TENM3: variants seen among roughly 807,000 people sequenced by gnomAD.
TENM3 encodes teneurin-3.
Under a neutral mutation model 255.1 loss-of-function variants are expected in TENM3, and 63 were observed. That is an observed-to-expected ratio of 0.25 (90% CI 0.20 to 0.30). The LOEUF (loss-of-function observed/expected upper bound fraction) is 0.30. Ranked by LOEUF, TENM3 falls within the 10% of genes least tolerant of loss-of-function variation. TENM3 has a pLI of 1.00. For missense variants in TENM3, 2,929 were observed against 3,461.1 expected, an observed-to-expected ratio of 0.85 and a Z score of 3.86; for synonymous variants, 1,306 against 1,322.3, an observed-to-expected ratio of 0.99 and a Z score of 0.27.
At chr4:181,665,619 GTA>G in the TENM3 span, among the ~76,000 whole-genome samples, 9 of 147,502 alleles carry the variant, frequency 6.1e-5, no homozygotes, top group African/African-American at 2.2e-4. Context: ...TATACAATGT[GTA>G]TATATACACA....
chr4:182,355,006 G>C (rs144925916), intron 3 of TENM3, among the ~76,000 whole-genome samples: 71 of 152,290 alleles, frequency 4.7e-4, no homozygotes, highest in African/African-American at 1.4e-3. Context: ...AAGCTCACAG[G>C]GTGGTTGGGC....
the TENM3 span, among the ~76,000 whole-genome samples, chr4:181,868,213 C>T: frequency 3.4e-4 from 52 of 152,220 alleles, no homozygotes; most frequent in South Asian, 4.2e-3. Flanking sequence ...ATTCTCCACA[C>T]GCCAACAGGT....
At chr4:181,524,833 G>C in the TENM3 span, among the ~76,000 whole-genome samples, 4 of 152,186 alleles carry the variant, frequency 2.6e-5, no homozygotes, top group South Asian at 8.3e-4. Flanking sequence ...AATTTTGCGC[G>C]GTTCCTTTCA....
At chr4:182,638,719 C>T (rs1752055389) in intron 5 of TENM3, among the ~76,000 whole-genome samples, 1 of 152,204 alleles carries the variant, frequency 6.6e-6, no homozygotes, top group Non-Finnish European at 1.5e-5. Context: ...CATCAGCCAG[C>T]CTGGCATGAC....
chr4:181,562,759 C>G, the TENM3 span, among the ~76,000 whole-genome samples: 1 of 151,668 alleles, frequency 6.6e-6, no homozygotes. Context: ...ACTGCAACCT[C>G]TGCCTCCTGG....
intron 1 of TENM3, among the ~76,000 whole-genome samples, chr4:182,254,435 A>T (rs577664498): frequency 2.5e-4 from 38 of 152,176 alleles, no homozygotes; most frequent in Non-Finnish European, 5.1e-4. Context: ...TCACAAAAAT[A>T]TCAGTCGACT....
the TENM3 span, among the ~76,000 whole-genome samples, chr4:181,555,768 T>C: frequency 7.3e-3 from 1,112 of 152,262 alleles, 1 homozygote; most frequent in Non-Finnish European, 0.011. Context: ...TGGCCAGATA[T>C]TGAATGAAAT....
chr4:182,020,389 A>T, the TENM3 span, among the ~76,000 whole-genome samples: 221 of 152,126 alleles, frequency 1.5e-3, 1 homozygote, highest in African/African-American at 5.3e-3. Context: ...AAAATAGTTT[A>T]AAAAAGTAAT....
chr4:182,212,293 C>T (rs535966879), intron 1 of TENM3, among the ~76,000 whole-genome samples: 1 of 152,334 alleles, frequency 6.6e-6, no homozygotes, highest in South Asian at 2.1e-4. Flanking sequence ...ATGGCTCCCA[C>T]GCTGTTTCCA....
the TENM3 span, among the ~76,000 whole-genome samples, chr4:181,731,675 A>T: frequency 6.6e-6 from 1 of 152,200 alleles, no homozygotes; most frequent in Non-Finnish European, 1.5e-5. Flanking sequence ...ATTTTAAATT[A>T]AATGTGTTGA....
At chr4:181,633,739 A>T in the TENM3 span, among the ~76,000 whole-genome samples, 1 of 152,222 alleles carries the variant, frequency 6.6e-6, no homozygotes, top group Non-Finnish European at 1.5e-5. Flanking sequence ...GATTCCAAAG[A>T]TGCTCTGAAA....
rs1740365246 is a variant in TENM3, at chr4:182,536,749, GT to G, written c.512-64174del. On this transcript the variant is annotated intron_variant, in intron 3 of 27. Transcript: ENST00000511685. ...TGGAGCCTGTTTCTGCTAGCTCATG[GT>G]GAACGTTTCTGTGAAGTCACTCCTT... Among the ~76,000 whole-genome samples, 3 of 152,126 alleles carry G rather than the reference GT, an allele frequency of 2.0e-5. 1 individual carries two copies. The highest frequency in any genetic ancestry group is 4.1e-4 in the South Asian group (2 of 4,828).
chr4:181,602,227 A>G, the TENM3 span, among the ~76,000 whole-genome samples: 1 of 152,208 alleles, frequency 6.6e-6, no homozygotes, highest in African/African-American at 2.4e-5. Context: ...TCCAAAGTGC[A>G]TGTAACAATT....
chr4:182,140,148 C>T (rs917636689), upstream of TENM3, among the ~76,000 whole-genome samples: 1 of 152,130 alleles, frequency 6.6e-6, no homozygotes, highest in African/African-American at 2.4e-5. Context: ...GAGAGACTTC[C>T]ATGTAAAATT....
At chr4:182,407,274 T>C (rs1055949822) in intron 3 of TENM3, among the ~76,000 whole-genome samples, 1 of 152,224 alleles carries the variant, frequency 6.6e-6, no homozygotes, top group Non-Finnish European at 1.5e-5. Flanking sequence ...ATTTTTTACT[T>C]CTAGGTTGCA....
the TENM3 span, among the ~76,000 whole-genome samples, chr4:181,946,294 G>A: frequency 1.5e-4 from 23 of 152,128 alleles, no homozygotes; most frequent in Non-Finnish European, 2.9e-4. Flanking sequence ...CATCAACTGT[G>A]TATGACAGTA....
At chr4:182,579,705 CTCT>C (rs1234151709) in intron 3 of TENM3, among the ~76,000 whole-genome samples, 8 of 117,574 alleles carry the variant, frequency 6.8e-5, no homozygotes, top group African/African-American at 3.2e-4. Flanking sequence ...TTGAAAACTT[CTCT>C]TTTTTTCCGC....
At chr4:182,044,835 A>C in the TENM3 span, among the ~76,000 whole-genome samples, 1 of 152,224 alleles carries the variant, frequency 6.6e-6, no homozygotes, top group Admixed American at 6.5e-5. Flanking sequence ...CAGAGGGCCC[A>C]CATGATACTC....
chr4:181,482,618 A>G, the TENM3 span, among the ~76,000 whole-genome samples: 1 of 152,112 alleles, frequency 6.6e-6, no homozygotes, highest in Non-Finnish European at 1.5e-5. Context: ...TGCTTTGTTG[A>G]TGACTGTTTT....
Sources: gnomAD v4.1 joint callset for allele counts (sites outside exome capture counted in the v4.1 genomes callset) on GRCh38, gnomAD v4.1.1 for gene constraint, MANE v1.5 for transcripts, NCBI Gene and HGNC (gene_info 2026-07-23, HGNC 2026-07-21) for gene names.